The following TTLL6 variants were observed in gnomAD, a reference collection of about 807,000 sequenced individuals.
The protein encoded by TTLL6 is tubulin polyglutamylase TTLL6.
In TTLL6, 75 loss-of-function variants were observed where a neutral mutation model predicts 96.4. The ratio of observed to expected loss-of-function variants is 0.78; its 90% CI spans 0.65 to 0.94. The LOEUF (loss-of-function observed/expected upper bound fraction) is 0.94. Among genes scored for constraint, TTLL6 ranks in the 40% least tolerant of loss-of-function variants. The pLI is 0.00. For synonymous variants in TTLL6, 411 were observed against 419.4 expected (o/e 0.98, Z 0.24); for missense variants, 1,030 against 1,093.0 (o/e 0.94, Z 0.81).
At chr17:48,789,637 C>A (rs1351776235) in intron 10 of TTLL6, among the ~76,000 whole-genome samples, 1 of 151,016 alleles carries the variant, frequency 6.6e-6, no homozygotes, top group Non-Finnish European at 1.5e-5. Context: ...TCACTGCAAC[C>A]TCTGTCTCCC....
chr17:48,768,383 G>T (rs1427223390), intron 15 of TTLL6, among the ~76,000 whole-genome samples: 1 of 152,190 alleles, frequency 6.6e-6, no homozygotes, highest in East Asian at 1.9e-4. Flanking sequence ...CAATTCTCCT[G>T]CCTCAGCCTC....
intron 3 of TTLL6, among the ~76,000 whole-genome samples, chr17:48,803,478 C>T (rs2039458058): frequency 6.9e-6 from 1 of 144,458 alleles, no homozygotes; most frequent in South Asian, 2.2e-4. Context: ...AGCAAGATTC[C>T]GTGTCAAAAA....
rs997568706 is a variant in TTLL6 at position 48,803,940 on chromosome 17, GA to G, written c.324-13del. The stretch of plus-strand genomic sequence containing the variant: ...GATTGATCACCAATCATCTGGAAAA[GA>G]GAAAAAGGAAAGCAGCAAGACAGAG... On this transcript the variant is annotated splice_polypyrimidine_tract_variant and intron_variant, in intron 2 of 15. Coordinates refer to ENST00000393382, the MANE Select transcript of TTLL6 (RefSeq NM_001130918.3). 2 of 1,551,630 alleles carry G rather than the reference GA, an allele frequency of 1.3e-6. No homozygotes were observed. The highest frequency in any genetic ancestry group is 2.7e-5 in the African/African-American group (2 of 73,032).
chr17:48,808,450 G>T (rs926524468), intron 1 of TTLL6, among the ~76,000 whole-genome samples: 3 of 151,904 alleles, frequency 2.0e-5, no homozygotes, highest in African/African-American at 7.3e-5. Flanking sequence ...TTCCCATGTT[G>T]CTTCCCAGAG....
In TTLL6 at chr17:48,799,921, C is replaced by T. The variant is rs569999820; in HGVS notation, c.612-161G>A. Among the ~76,000 whole-genome samples, 557 of 152,324 alleles carry T rather than the reference C, an allele frequency of 3.7e-3. 5 individuals are homozygous for T. The highest frequency in any genetic ancestry group is 4.3e-3 in the Non-Finnish European group (293 of 68,020). ...CAGCAATGGGAGAGAGTAGAGCACA[C>T]GCAGTGGGGAGTGTGGGCTTCAGAG... is the stretch of plus-strand genomic sequence containing the variant. On this transcript the variant is annotated intron_variant, in intron 5 of 15. Coordinates refer to ENST00000393382, the MANE Select transcript of TTLL6 (RefSeq NM_001130918.3).
At chr17:48,796,475 C>T (rs964573812) in intron 7 of TTLL6, among the ~76,000 whole-genome samples, 1 of 152,004 alleles carries the variant, frequency 6.6e-6, no homozygotes, top group African/African-American at 2.4e-5. Flanking sequence ...CAAAAATTAG[C>T]CGGGGATGTG....
chr17:48,780,223 G>A (rs2038959592), intron 13 of TTLL6, among the ~76,000 whole-genome samples: 1 of 152,066 alleles, frequency 6.6e-6, no homozygotes, highest in Non-Finnish European at 1.5e-5. Context: ...TCGGCTCACT[G>A]CAACCTCTGC....
rs2039465365 is a variant in TTLL6, at chr17:48,803,884, T to C, written c.361+7A>G. ...CCATTATAGATCTCCTGAATGTAGA[T>C]GCTCACCACTCTCATACCGGCAGCT... is the stretch of plus-strand genomic sequence containing the variant. On this transcript the variant is annotated splice_region_variant and intron_variant, in intron 3 of 15. Transcript: ENST00000393382. The C allele has an allele frequency of 1.3e-6, 2 of 1,552,060 alleles. No homozygotes were observed. Among genetic ancestry groups the C allele is most frequent in the Non-Finnish European group, 8.7e-7 (1 of 1,147,060 alleles).
intron 8 of TTLL6, 23 bp downstream of exon 8, chr17:48,796,038 G>A: frequency 6.5e-7 from 1 of 1,544,662 alleles, no homozygotes; most frequent in Non-Finnish European, 8.8e-7. Context: ...GGAAAGGAAA[G>A]AAAAATGAAG....
intron 3 of TTLL6, among the ~76,000 whole-genome samples, chr17:48,803,197 A>G (rs1463441020): frequency 6.6e-6 from 1 of 152,020 alleles, no homozygotes; most frequent in Non-Finnish European, 1.5e-5. Context: ...AATGCAATAC[A>G]ATACAATACA....
chr17:48,782,248 A>G (rs2039001850), intron 13 of TTLL6, among the ~76,000 whole-genome samples: 1 of 151,332 alleles, frequency 6.6e-6, no homozygotes. Context: ...TGGGATTACA[A>G]GCGCGCACCA....
intron 13 of TTLL6, among the ~76,000 whole-genome samples, chr17:48,778,797 G>A (rs1180261872): frequency 6.6e-6 from 1 of 151,990 alleles, no homozygotes; most frequent in African/African-American, 2.4e-5. Context: ...GGGCGTGGTG[G>A]TGCTCATCTG....
At chr17:48,796,302 G>T (rs542003755) in intron 7 of TTLL6, among the ~76,000 whole-genome samples, 156 bp from the exon 8 acceptor site, 18 of 152,224 alleles carry the variant, frequency 1.2e-4, no homozygotes, top group African/African-American at 4.3e-4. Flanking sequence ...AAGTAAGAAG[G>T]GGTGTCCTGC....
At chr17:48,815,976 A>G (rs1222742154) in intron 1 of TTLL6, 1 of 152,256 alleles carries the variant, frequency 6.6e-6, no homozygotes, top group East Asian at 1.9e-4. Context: ...ACTAGTTTCT[A>G]GAATGTGTGA....
chr17:48,779,879 AAGTCAG>A (rs1401452028), intron 13 of TTLL6, among the ~76,000 whole-genome samples: 1 of 152,152 alleles, frequency 6.6e-6, no homozygotes, highest in Non-Finnish European at 1.5e-5. Flanking sequence ...AAAGTCAAAG[AAGTCAG>A]AGTCAGGGTA....
chr17:48,784,411 A>T (rs1005010385), intron 13 of TTLL6, among the ~76,000 whole-genome samples: 3 of 152,156 alleles, frequency 2.0e-5, no homozygotes, highest in African/African-American at 7.2e-5. Context: ...TCTCAAAAAA[A>T]AAAATAAGAT....
chr17:48,772,137 A>AAAAG (rs2038760274), intron 13 of TTLL6, among the ~76,000 whole-genome samples: 1 of 152,010 alleles, frequency 6.6e-6, no homozygotes, highest in African/African-American at 2.4e-5. Context: ...AAAAGAAAAG[A>AAAAG]AAAGAAAGAA....
intron 13 of TTLL6, among the ~76,000 whole-genome samples, chr17:48,783,726 C>G (rs2039034358): frequency 6.6e-6 from 1 of 152,152 alleles, no homozygotes; most frequent in South Asian, 2.1e-4. Context: ...CCACTGCACT[C>G]AGCTTTTATT....
At chr17:48,804,001 A>G in intron 2 of TTLL6, 73 bp from the exon 3 acceptor site, 1 of 1,507,158 alleles carries the variant, frequency 6.6e-7, no homozygotes, top group East Asian at 2.5e-5. Context: ...GTATCCAGAA[A>G]CATCCTGTCC....
Sources: allele counts gnomAD v4.1 joint callset (sites outside exome capture counted in the v4.1 genomes callset), GRCh38; gene constraint gnomAD v4.1.1; transcripts MANE v1.5; gene names NCBI Gene and HGNC (gene_info 2026-07-23, HGNC 2026-07-21).